The following ZW10 variants were observed in gnomAD, a reference collection of about 807,000 sequenced individuals.
ZW10 encodes zw10 kinetochore protein, also known as centromere/kinetochore protein zw10 homolog.
Under a neutral mutation model 87.8 loss-of-function variants are expected in ZW10, and 53 were observed. The ratio of observed to expected loss-of-function variants is 0.60; its 90% confidence interval spans 0.48 to 0.76. ZW10 has a LOEUF of 0.76. ZW10 is among the 30% of genes least tolerant of loss of function. The pLI is 0.00. For synonymous variants in ZW10, 312 were observed against 329.2 expected, an observed-to-expected ratio of 0.95 and a Z score of 0.57; for missense variants, 837 against 923.0, an observed-to-expected ratio of 0.91 and a Z score of 1.21.
rs1392138456 is a variant in ZW10, at chr11:113,750,258, G to A, written c.926-1838C>T. Among the ~76,000 whole-genome samples, 4 of 151,366 alleles carry A rather than the reference G, an allele frequency of 2.6e-5. No individual in the cohort carries two copies. In the East Asian group the frequency reaches 7.7e-4, roughly 29 times the overall value. On this transcript the variant is annotated intron_variant, in intron 7 of 15. Coordinates refer to ENST00000200135, the MANE Select transcript of ZW10 (RefSeq NM_004724.4). ...ATGGCAGCTGCAATTTGCTACAACA[G>A]GGCAAAACAAAAAAAGCTGCTTGCT...
intron 2 of ZW10, among the ~76,000 whole-genome samples, chr11:113,766,698 A>AAAAAT (rs1226578405): frequency 0.041 from 4,826 of 118,554 alleles, 150 homozygotes; most frequent in African/African-American, 0.053. Flanking sequence ...AAAAAAAAAA[A>AAAAAT]TTAATTTTTA....
intron 3 of ZW10, 108 bp downstream of exon 3, chr11:113,760,709 G>C: frequency 1.1e-6 from 1 of 897,770 alleles, no homozygotes; most frequent in Non-Finnish European, 1.6e-6. Flanking sequence ...AAAAAAGAAA[G>C]AAAAAAAAAT....
chr11:113,739,195 A>G lies in ZW10; in HGVS notation c.1753+18T>C. 6.2e-7 allele frequency: 1 copy of G among 1,613,040 alleles called. No individual in the cohort carries two copies. The highest frequency in any genetic ancestry group is 8.5e-7 in the Non-Finnish European group (1 of 1,179,524). On this transcript the variant is annotated intron_variant, in intron 12 of 15. Coordinates refer to ENST00000200135, the MANE Select transcript of ZW10 (RefSeq NM_004724.4). ...CTGCATAATCCATATGCTTTCCTAC[A>G]TTGAAAGTATCAGTTACCAAGTCTC...
intron 9 of ZW10, among the ~76,000 whole-genome samples, chr11:113,746,654 A>AT (rs577093660): frequency 6.6e-6 from 1 of 151,986 alleles, no homozygotes; most frequent in Admixed American, 6.6e-5. Context: ...GGAGGTTATA[A>AT]TTTTTTTTAA....
chr11:113,766,452 C>CTT (rs1307672515), intron 2 of ZW10, among the ~76,000 whole-genome samples: 1 of 151,124 alleles, frequency 6.6e-6, no homozygotes. Flanking sequence ...GGGTGGATCA[C>CTT]GAGGTCAGGA....
chr11:113,736,996 TA>T (rs1332333284), intron 14 of ZW10, among the ~76,000 whole-genome samples, 174 bp from the exon 15 acceptor site: 1 of 152,210 alleles, frequency 6.6e-6, no homozygotes, highest in East Asian at 1.9e-4. Flanking sequence ...TACTTCTATA[TA>T]AGAATGACAC....
chr11:113,758,421 T>C (rs1953820065), intron 6 of ZW10, 133 bp downstream of exon 6: 1 of 699,502 alleles, frequency 1.4e-6, no homozygotes, highest in South Asian at 4.5e-5. Context: ...TTAGGACAAT[T>C]CTCTTTGATG....
intron 7 of ZW10, among the ~76,000 whole-genome samples, 181 bp from the exon 8 acceptor site, chr11:113,748,601 A>C (rs562086088): frequency 6.6e-6 from 1 of 152,248 alleles, no homozygotes; most frequent in Non-Finnish European, 1.5e-5. Context: ...TTTTATTTTC[A>C]CTGCTCAAAT....
At chr11:113,766,632 C>T (rs1324571819) in intron 2 of ZW10, among the ~76,000 whole-genome samples, 1 of 134,378 alleles carries the variant, frequency 7.4e-6, no homozygotes, top group Non-Finnish European at 1.5e-5. Context: ...CGAGATCGTG[C>T]CATTGTACTT....
In ZW10 at chr11:113,768,823, T is replaced by A. The variant is rs748682960; in HGVS notation, c.240+10A>T. 1.5e-4 allele frequency: 241 copies of A among 1,613,484 alleles called. No individual in the cohort carries two copies. The Admixed American group carries it at 4.0e-3, about 26-fold the overall frequency. ...CTACAAACCTACCCAATATAACAAATTATCCTTACCTCACTCTCTATCCTG... is the reference window on the plus strand; with the variant it reads ...CTACAAACCTACCCAATATAACAAAATATCCTTACCTCACTCTCTATCCTG... On this transcript the variant is annotated intron_variant, in intron 2 of 15. Coordinates refer to ENST00000200135, the MANE Select transcript of ZW10 (RefSeq NM_004724.4).
At position 113,733,712 on chromosome 11, in the gene ZW10, G is replaced by T. The variant is rs1953516913; in HGVS notation, c.2322C>A (p.Ala774=). 2 of 1,613,822 alleles carry T rather than the reference G, an allele frequency of 1.2e-6. No homozygotes were observed. The highest frequency in any genetic ancestry group is 1.7e-5 in the Admixed American group (1 of 59,978). Residue 774 remains alanine, a synonymous_variant, in exon 16 of 16, where the codon GCC becomes GCA. Transcript: ENST00000200135. The part of the protein sequence containing the change: ...LFQNTERRAA[A]LAKIK ...GATGGAGCTATTTAATTTTAGCAAG[G>T]GCAGCTGCTCTTCTTTCTGTGTTCT... is the stretch of plus-strand genomic sequence containing the variant.
chr11:113,758,573 G>A lies in ZW10; in HGVS notation c.714C>T (p.His238=). Residue 238 remains histidine (H), a synonymous_variant, in exon 6 of 16, where the codon CAC becomes CAT. Coordinates refer to ENST00000200135, the MANE Select transcript of ZW10 (RefSeq NM_004724.4). ...LLAFSVLGEL[H]SKLKSFGQML... ...CCTTACCAAATGATTTAAGCTTGCT[G>A]TGTAGTTCTCCAAGAACAGAAAATG... 1 of 1,614,066 alleles carries A rather than the reference G, an allele frequency of 6.2e-7. No homozygotes were observed. The highest frequency in any genetic ancestry group is 8.5e-7 in the Non-Finnish European group (1 of 1,179,986).
intron 6 of ZW10, 89 bp from the exon 7 acceptor site, chr11:113,757,942 T>A: frequency 8.9e-7 from 1 of 1,119,672 alleles, no homozygotes; most frequent in Non-Finnish European, 1.2e-6. Flanking sequence ...TCCCAGCACT[T>A]TGGGAGGCCG....
rs1158569205 is a variant in ZW10, at chr11:113,760,222, G to A, written c.567C>T (p.Phe189=). ...EEWQKLIVWK[F]PPSKDTSSLE... ...GGTCAGCAGCACCTTTTGATGGTGG[G>A]AACTTCCATACAATCAGCTTCTGCC... Residue 189 remains phenylalanine (F), a synonymous_variant, in exon 5 of 16, where the codon TTC becomes TTT. Transcript: ENST00000200135. 1 of 1,613,828 alleles carries A rather than the reference G, an allele frequency of 6.2e-7. No individual in the cohort carries two copies. Among genetic ancestry groups the A allele is most frequent in the Non-Finnish European group, 8.5e-7 (1 of 1,179,892 alleles).
chr11:113,772,366 G>A (rs1296717234), intron 1 of ZW10, among the ~76,000 whole-genome samples: 6 of 152,158 alleles, frequency 3.9e-5, no homozygotes, highest in Non-Finnish European at 8.8e-5. Flanking sequence ...AGAGATGTCA[G>A]GGATATGACT....
chr11:113,769,646 G>A (rs1043548950), intron 1 of ZW10: 19 of 279,564 alleles, frequency 6.8e-5, no homozygotes, highest in African/African-American at 2.1e-4. Context: ...GCGGGAAGCC[G>A]GACTCCAGGC....
chr11:113,751,013 C>T (rs1014143147), intron 7 of ZW10: 23 of 123,578 alleles, frequency 1.9e-4, no homozygotes, highest in African/African-American at 7.4e-4. Context: ...TGGAAAACTG[C>T]AAATACTTTT....
At position 113,761,509 on chromosome 11, in the gene ZW10, G is replaced by C. The variant is rs890822940; in HGVS notation, c.241-591C>G. Among the ~76,000 whole-genome samples, 4 of 152,040 alleles carry C rather than the reference G, an allele frequency of 2.6e-5. No homozygotes were observed. In the East Asian group the frequency reaches 7.7e-4, roughly 29 times the overall value. ...TTGTCCAGGCTGGTCTTGAACTCCT[G>C]GACTCAAGCGATCTGCCCACCTTGG... is the stretch of plus-strand genomic sequence containing the variant. On this transcript the variant is annotated intron_variant, in intron 2 of 15. Transcript: ENST00000200135.
intron 2 of ZW10, among the ~76,000 whole-genome samples, chr11:113,762,877 A>C (rs1283931103): frequency 6.6e-6 from 1 of 152,184 alleles, no homozygotes; most frequent in Admixed American, 6.5e-5. Context: ...ACGCTGTAGA[A>C]AAGTATTTTG....
Sources: allele counts gnomAD v4.1 joint callset (sites outside exome capture counted in the v4.1 genomes callset), GRCh38; gene constraint gnomAD v4.1.1; transcripts MANE v1.5; gene names NCBI Gene and HGNC (gene_info 2026-07-23, HGNC 2026-07-21).